TUBE1: variants seen among roughly 807,000 people sequenced by gnomAD.
TUBE1 encodes the protein tubulin epsilon chain.
Under a neutral mutation model 53.5 loss-of-function variants are expected in TUBE1, and 34 were observed. That is an observed-to-expected ratio of 0.64 (90% confidence interval 0.48 to 0.85). The LOEUF is 0.85. Ranked by LOEUF, TUBE1 falls within the 40% of genes least tolerant of loss-of-function variation. The probability of loss-of-function intolerance (pLI) is 0.00; values close to 1 mark genes in which losing one functional copy is unlikely to be tolerated. For missense variants in TUBE1, 532 were observed against 570.5 expected (o/e 0.93, Z 0.69); for synonymous variants, 177 against 198.4 (o/e 0.89, Z 0.91).
intron 11 of TUBE1, 126 bp from the exon 12 acceptor site, chr6:112,071,696 G>A: frequency 1.0e-6 from 1 of 981,334 alleles, no homozygotes; most frequent in Non-Finnish European, 1.4e-6. Flanking sequence ...AAGAGAACTT[G>A]TGTCAAATTG....
chr6:112,071,415 C>G lies in TUBE1; in HGVS notation c.1425G>C (p.Met475Ile). 1 of 1,512,292 alleles carries G rather than the reference C, an allele frequency of 6.6e-7. No individual in the cohort carries two copies. The highest frequency in any genetic ancestry group is 8.9e-7 in the Non-Finnish European group (1 of 1,119,570). 93.7% of individuals were successfully genotyped at this position (1,512,292 alleles called of 1,614,324 possible). ...VQDLPRLSIAM is the reference protein window; with the variant it reads ...VQDLPRLSIAI ...AGTATTTTTGAGGGTTTCTTTTTCA[C>G]ATAGCTATGCTTAGTCTGGGTAAAT... is the stretch of plus-strand genomic sequence containing the variant. Residue 475 changes from methionine to isoleucine, a missense_variant, in exon 12 of 12, where the codon ATG (methionine) becomes ATC (isoleucine). Transcript: ENST00000368662.
chr6:112,086,727 C>G (rs1168239495), intron 2 of TUBE1, 119 bp from the exon 3 acceptor site: 1 of 644,948 alleles, frequency 1.6e-6, no homozygotes, highest in African/African-American at 1.9e-5. Context: ...TAAGAAAAAC[C>G]AAGTATCACA....
intron 5 of TUBE1, among the ~76,000 whole-genome samples, chr6:112,080,884 A>G (rs1777058858): frequency 6.6e-6 from 1 of 152,166 alleles, no homozygotes; most frequent in Non-Finnish European, 1.5e-5. Flanking sequence ...TTAATTTTTC[A>G]TAATTCTTCT....
At position 112,071,511 on chromosome 6, in the gene TUBE1, A is replaced by G. The variant is rs1189602268; in HGVS notation, c.1329T>C (p.Ala443=). The change falls in exon 12 of 12, where the codon GCT becomes GCC. Residue 443 remains alanine (A), a synonymous_variant. Coordinates refer to ENST00000368662, the MANE Select transcript of TUBE1 (RefSeq NM_016262.5). ...EGMEESCFTE[A]VSSLSALIQE... is the part of the protein sequence containing the mutation. The stretch of plus-strand genomic sequence containing the variant: ...GTATGAGTGCTGATAAAGATGACAC[A>G]GCTTCTGTGAAACAGCTTTCTTCCA... 1 of 1,612,376 alleles carries G rather than the reference A, an allele frequency of 6.2e-7. No homozygotes were observed. Among genetic ancestry groups the G allele is most frequent in the East Asian group, 2.2e-5 (1 of 44,862 alleles).
chr6:112,077,322 C>G (rs1776988309), intron 6 of TUBE1: 1 of 152,148 alleles, frequency 6.6e-6, no homozygotes, highest in Admixed American at 6.5e-5. Flanking sequence ...CGAGGAATCT[C>G]ATTAAAGATA....
rs894623940 is a variant in TUBE1, at chr6:112,087,470, C to T, written c.-36G>A. ...CGCCGGCTCCGGGAGCTTGCTAGCC[C>T]GCGGCCGCTTCTGCATTCCCCCAGC... On this transcript the variant is annotated 5_prime_UTR_variant, in exon 1 of 12. Transcript: ENST00000368662. The T allele has an allele frequency of 6.5e-7, 1 of 1,547,976 alleles. No individual in the cohort carries two copies. Among genetic ancestry groups the T allele is most frequent in the Non-Finnish European group, 8.7e-7 (1 of 1,145,454 alleles).
chr6:112,075,133 TCTC>T (rs1776942867), intron 8 of TUBE1: 1 of 165,952 alleles, frequency 6.0e-6, no homozygotes. Flanking sequence ...AGTGGTGTGA[TCTC>T]AGCTCACTGC....
At position 112,074,769 on chromosome 6, in the gene TUBE1, A is replaced by G. The variant is rs782161921; in HGVS notation, c.894T>C (p.Tyr298=). Residue 298 remains tyrosine (Y), a synonymous_variant, in exon 9 of 12, where the codon TAT becomes TAC. Coordinates refer to ENST00000368662, the MANE Select transcript of TUBE1 (RefSeq NM_016262.5). ...MNLVPFPQLH[Y]LVSSLTPLYT... ...ACAGAGGTGTTAGGCTTGACACGAG[A>G]TAATGAAGTTGAGGAAAAGGAACTA... The G allele has an allele frequency of 6.8e-6, 11 of 1,608,836 alleles. No homozygotes were observed. The South Asian group carries it at 1.2e-4, about 18-fold the overall frequency.
chr6:112,079,769 A>G lies in TUBE1; in HGVS notation c.327-15T>C, dbSNP rs1554316514. 6.3e-7 allele frequency: 1 copy of G among 1,589,972 alleles called. No individual in the cohort carries two copies. Among genetic ancestry groups the G allele is most frequent in the East Asian group, 2.2e-5 (1 of 44,482 alleles). ...GACCCACGGCCCTGAAAATTAGAAT[A>G]TGGATTTTAAAAATTCCTTGCATTT... On this transcript the variant is annotated splice_polypyrimidine_tract_variant and intron_variant, in intron 5 of 11. Transcript: ENST00000368662.
In TUBE1 at chr6:112,071,499, T is replaced by C. The variant is rs781864721; in HGVS notation, c.1341A>G (p.Leu447=). The C allele has an allele frequency of 1.1e-5, 18 of 1,612,798 alleles. No individual in the cohort carries two copies. Among genetic ancestry groups the C allele is most frequent in the Admixed American group, 3.3e-5 (2 of 59,978 alleles). Residue 447 remains leucine, a synonymous_variant, in exon 12 of 12, where the codon TTA becomes TTG. Coordinates refer to ENST00000368662, the MANE Select transcript of TUBE1 (RefSeq NM_016262.5). The stretch of plus-strand genomic sequence containing the variant: ...GGTCATATTCCTGTATGAGTGCTGA[T>C]AAAGATGACACAGCTTCTGTGAAAC... ...ESCFTEAVSS[L]SALIQEYDQL...
chr6:112,084,379 C>T (rs1242828414), intron 3 of TUBE1, 133 bp from the exon 4 acceptor site: 3 of 688,160 alleles, frequency 4.4e-6, no homozygotes, highest in African/African-American at 3.6e-5. Flanking sequence ...ACAGCTATTC[C>T]TAATCTCTTT....
chr6:112,075,891 T>A (rs2114481897), intron 8 of TUBE1, 46 bp downstream of exon 8: 1 of 1,484,614 alleles, frequency 6.7e-7, no homozygotes, highest in South Asian at 1.4e-5. Context: ...TCAAAATATC[T>A]CCAAAAGCAC....
chr6:112,073,547 T>A (rs1554315645), intron 9 of TUBE1, among the ~76,000 whole-genome samples: 1 of 152,150 alleles, frequency 6.6e-6, no homozygotes, highest in East Asian at 1.9e-4. Context: ...CATTTAATAA[T>A]CACCATGTTG....
chr6:112,079,879 A>C, intron 5 of TUBE1, 125 bp from the exon 6 acceptor site: 1 of 886,896 alleles, frequency 1.1e-6, no homozygotes, highest in Non-Finnish European at 1.7e-6. Flanking sequence ...AGTAAAGTCT[A>C]TTCTTGTTTC....
At chr6:112,080,030 C>T (rs182021093) in intron 5 of TUBE1, among the ~76,000 whole-genome samples, 3 of 151,886 alleles carry the variant, frequency 2.0e-5, no homozygotes, top group African/African-American at 7.2e-5. Context: ...TTCATCTTAA[C>T]CTTCTCTTAA....
rs1387795495 is a variant in TUBE1, at chr6:112,077,320, C to G, written c.449-811G>C. ...ATTTAAAAGCAGAAACTCGAGGAAT[C>G]TCATTAAAGATAACTTTCTGATACA... is the stretch of plus-strand genomic sequence containing the variant. On this transcript the variant is annotated intron_variant, in intron 6 of 11. Coordinates refer to ENST00000368662, the MANE Select transcript of TUBE1 (RefSeq NM_016262.5). The G allele has an allele frequency of 3.3e-5, 5 of 152,156 alleles. No individual in the cohort carries two copies. The East Asian group carries it at 9.6e-4, about 29-fold the overall frequency. 9.4% of individuals were successfully genotyped at this position (152,156 alleles called of 1,614,324 possible).
intron 4 of TUBE1, among the ~76,000 whole-genome samples, chr6:112,083,562 C>T (rs1028674581): frequency 6.6e-6 from 1 of 152,138 alleles, no homozygotes; most frequent in Admixed American, 6.5e-5. Flanking sequence ...TTGTGATCTG[C>T]CCGCTTCGGC....
At chr6:112,074,119 T>C (rs998460819) in intron 9 of TUBE1, among the ~76,000 whole-genome samples, 2 of 152,240 alleles carry the variant, frequency 1.3e-5, no homozygotes, top group African/African-American at 2.4e-5. Context: ...CAACTGTGAA[T>C]GCCACTGTGA....
At chr6:112,079,864 A>T in intron 5 of TUBE1, 110 bp from the exon 6 acceptor site, 1 of 1,002,142 alleles carries the variant, frequency 1.0e-6, no homozygotes, top group Non-Finnish European at 1.5e-6. Flanking sequence ...ATTCTTATTG[A>T]GCTAAGTAAA....
Sources: gnomAD v4.1 joint callset for allele counts (sites outside exome capture counted in the v4.1 genomes callset) on GRCh38, gnomAD v4.1.1 for gene constraint, MANE v1.5 for transcripts, NCBI Gene and HGNC (gene_info 2026-07-23, HGNC 2026-07-21) for gene names.